Variants in EXOC6 observed in about 807,000 individuals in gnomAD.
EXOC6 encodes the protein exocyst complex component 6.
Under a neutral mutation model 112.5 loss-of-function variants are expected in EXOC6, and 60 were observed. The ratio of observed to expected loss-of-function variants is 0.53; its 90% CI spans 0.43 to 0.66. The LOEUF is 0.66. EXOC6 is among the 30% of genes least tolerant of loss of function. The pLI is 0.00. For synonymous variants in EXOC6, 295 were observed against 308.0 expected (o/e 0.96, Z 0.44); for missense variants, 855 against 957.1 (o/e 0.89, Z 1.41).
At chr10:92,939,411 G>C (rs1275789494) in intron 12 of EXOC6, among the ~76,000 whole-genome samples, 1 of 152,024 alleles carries the variant, frequency 6.6e-6, no homozygotes, top group South Asian at 2.1e-4. Flanking sequence ...TACTCAGTGT[G>C]TGTGTGTATG....
At chr10:92,984,347 C>T (rs1403011643) in intron 18 of EXOC6, among the ~76,000 whole-genome samples, 1 of 151,472 alleles carries the variant, frequency 6.6e-6, no homozygotes, top group African/African-American at 2.4e-5. Context: ...TTCTAATTTC[C>T]TTTCCTTCAG....
Position 92,909,553 on chromosome 10 carries a change from C to A in EXOC6, c.585C>A (p.Ile195=). The change falls in exon 6 of 22, where the codon ATC becomes ATA. Residue 195 remains isoleucine, a synonymous_variant. Transcript: ENST00000260762. ...AACTCCGTGAGGATATTAAAGAAAT[C>A]TCCATGTCTGATCTCAAAGACTTTT... ...LPKLREDIKE[I]SMSDLKDFLE... 6.2e-7 allele frequency: 1 copy of A among 1,613,132 alleles called. No homozygotes were observed. The highest frequency in any genetic ancestry group is 8.5e-7 in the Non-Finnish European group (1 of 1,179,332).
chr10:93,002,649 G>C (rs978533172), intron 19 of EXOC6, among the ~76,000 whole-genome samples: 1 of 152,170 alleles, frequency 6.6e-6, no homozygotes, highest in African/African-American at 2.4e-5. Flanking sequence ...GGTACCTTAA[G>C]ATTTCTCAGC....
intron 12 of EXOC6, among the ~76,000 whole-genome samples, chr10:92,939,773 A>T (rs1852553262): frequency 6.6e-6 from 1 of 152,260 alleles, no homozygotes; most frequent in South Asian, 2.1e-4. Context: ...ATGGAGAACA[A>T]GAAGAGTGAT....
chr10:93,040,803 T>C (rs1306743119), intron 20 of EXOC6, among the ~76,000 whole-genome samples: 1 of 152,218 alleles, frequency 6.6e-6, no homozygotes, highest in Non-Finnish European at 1.5e-5. Context: ...GATCATGTTC[T>C]CTTTAAAATT....
intron 20 of EXOC6, among the ~76,000 whole-genome samples, chr10:93,038,980 A>G (rs979892889): frequency 3.3e-5 from 5 of 152,102 alleles, no homozygotes; most frequent in African/African-American, 1.2e-4. Context: ...TAGCACTTCA[A>G]AGGGATGTAT....
intron 13 of EXOC6, 35 bp downstream of exon 13, chr10:92,940,859 T>C (rs746515958): frequency 7.5e-7 from 1 of 1,335,326 alleles, no homozygotes; most frequent in Non-Finnish European, 1.1e-6. Context: ...ATATAATGAA[T>C]ATGTTTGTCA....
intron 2 of EXOC6, 63 bp downstream of exon 2, chr10:92,893,583 A>G (rs185410835): frequency 2.3e-6 from 3 of 1,328,314 alleles, no homozygotes; most frequent in East Asian, 2.3e-5. Context: ...CTTAGTTGAT[A>G]GTACATATGT....
In EXOC6 at chr10:92,975,819, C is replaced by T. The variant is rs1339545522; in HGVS notation, c.1953+1587C>T. Among the ~76,000 whole-genome samples the T allele has an allele frequency of 2.9e-5, 4 of 136,832 alleles. 1 individual carries two copies. Among genetic ancestry groups the T allele is most frequent in the Non-Finnish European group, 3.2e-5 (2 of 62,342 alleles). 89.8% of individuals were successfully genotyped at this position (136,832 alleles called of 152,430 possible). A position where few individuals can be genotyped will look rare whatever the true frequency, so the allele number is the denominator to read the frequency against. ...GGGGTCAGCCCCCGCGCCCGGCCAG[C>T]CGCCCCGTCCGGGAGGTGAGGGGCG... On this transcript the variant is annotated intron_variant, in intron 18 of 21. Transcript: ENST00000260762.
chr10:92,971,334 A>G (rs758505882), intron 17 of EXOC6, among the ~76,000 whole-genome samples: 4 of 125,302 alleles, frequency 3.2e-5, no homozygotes, highest in Non-Finnish European at 4.9e-5. Flanking sequence ...GTGAGGCACC[A>G]CGCCCAGCCT....
rs546774093 is a variant in EXOC6 at position 92,915,824 on chromosome 10, A to T, written c.730A>T (p.Met244Leu). Residue 244 changes from methionine (M) to leucine (L), a missense_variant, in exon 7 of 22, where the codon ATG becomes TTG. Physicochemically the swap from Met to Leu is conservative, Grantham distance 15. Coordinates refer to ENST00000260762, the MANE Select transcript of EXOC6 (RefSeq NM_019053.6). ...AAATAAAATGAAATTTGGGAAAAAT[A>T]TGTATATAAATCGTGATAGAATTCC... ...KQNKMKFGKN[M>L]YINRDRIPEE... 1 of 1,534,944 alleles carries T rather than the reference A, an allele frequency of 6.5e-7. No individual in the cohort carries two copies. Among genetic ancestry groups the T allele is most frequent in the East Asian group, 2.5e-5 (1 of 39,514 alleles).
At chr10:92,930,873 G>A (rs2133943050) in intron 9 of EXOC6, among the ~76,000 whole-genome samples, 1 of 152,134 alleles carries the variant, frequency 6.6e-6, no homozygotes, top group African/African-American at 2.4e-5. Context: ...CAGCACTTTG[G>A]GAGGCCAAGG....
intron 1 of EXOC6, among the ~76,000 whole-genome samples, chr10:92,852,194 G>T (rs1165961599): frequency 6.6e-6 from 1 of 152,174 alleles, no homozygotes; most frequent in Non-Finnish European, 1.5e-5. Flanking sequence ...TAGCTGAATA[G>T]CCCTGTATCA....
chr10:93,043,521 A>G (rs1218685605), intron 20 of EXOC6, among the ~76,000 whole-genome samples: 3 of 151,194 alleles, frequency 2.0e-5, no homozygotes. Context: ...CACTGTTTTT[A>G]TGTATTACAA....
intron 1 of EXOC6, among the ~76,000 whole-genome samples, chr10:92,852,105 C>T (rs1241532492): frequency 6.6e-6 from 1 of 152,122 alleles, no homozygotes; most frequent in South Asian, 2.1e-4. Flanking sequence ...ACTTCATGCT[C>T]ATACATTTGG....
At position 92,914,162 on chromosome 10, in the gene EXOC6, G is replaced by A. The variant is rs552244190; in HGVS notation, c.664-1596G>A. On this transcript the variant is annotated intron_variant, in intron 6 of 21. Coordinates refer to ENST00000260762, the MANE Select transcript of EXOC6 (RefSeq NM_019053.6). ...AGCTCCGCCTCCTGTCAGATCAGCG[G>A]CATTCGATTCTCATAGGAGCGCAAA... Among the ~76,000 whole-genome samples, 12 of 152,270 alleles carry A rather than the reference G, an allele frequency of 7.9e-5. 1 individual carries two copies. In the South Asian group the frequency reaches 2.5e-3, roughly 32 times the overall value.
intron 20 of EXOC6, among the ~76,000 whole-genome samples, chr10:93,035,638 T>C (rs924623752): frequency 3.3e-5 from 5 of 152,046 alleles, no homozygotes; most frequent in African/African-American, 9.7e-5. Context: ...GCGGATCACT[T>C]GAGGCCAGGA....
At chr10:93,031,864 A>G (rs565678138) in intron 20 of EXOC6, among the ~76,000 whole-genome samples, 8 of 151,994 alleles carry the variant, frequency 5.3e-5, no homozygotes, top group African/African-American at 1.9e-4. Flanking sequence ...CACTTCATAG[A>G]TTTGTTTTCT....
At chr10:92,839,617 C>A (rs2490737) in intron 1 of EXOC6, among the ~76,000 whole-genome samples, 150,614 of 152,226 alleles carry the variant, frequency 0.99, 74,533 homozygotes, top group Middle Eastern at 1. Flanking sequence ...ACCTGCTCCC[C>A]TGGATACTGA....
Sources: allele counts gnomAD v4.1 joint callset (sites outside exome capture counted in the v4.1 genomes callset), GRCh38; gene constraint gnomAD v4.1.1; transcripts MANE v1.5; gene names NCBI Gene and HGNC (gene_info 2026-07-23, HGNC 2026-07-21).